The following SDSL variants were observed in gnomAD, a reference collection of about 807,000 sequenced individuals.
SDSL encodes the protein serine dehydratase like, also known as serine dehydratase-like.
Under a neutral mutation model 27.6 loss-of-function variants are expected in SDSL, and 26 were observed. The observed-to-expected ratio is 0.94, with a 90% CI of 0.69 to 1.31. SDSL has a LOEUF of 1.31. SDSL is among the 50% of genes most tolerant of loss of function. The pLI, the probability that SDSL is intolerant of heterozygous loss-of-function variation, is 0.00. For synonymous variants in SDSL, 196 were observed against 180.6 expected (o/e 1.09, Z -0.69); for missense variants, 431 against 423.5 (o/e 1.02, Z -0.16).
chr12:113,435,601 T>C, intron 6 of SDSL, 45 bp downstream of exon 6: 1 of 1,534,900 alleles, frequency 6.5e-7, no homozygotes, highest in Non-Finnish European at 8.9e-7. Flanking sequence ...AGGGTGGGTG[T>C]GCCACTGTCC....
At chr12:113,435,759 G>C (rs1957983818) in intron 6 of SDSL, among the ~76,000 whole-genome samples, 1 of 152,232 alleles carries the variant, frequency 6.6e-6, no homozygotes, top group Non-Finnish European at 1.5e-5. Flanking sequence ...AACCTAATCA[G>C]TTCTTAAAAC....
chr12:113,428,905 C>T (rs973141033), intron 3 of SDSL, among the ~76,000 whole-genome samples: 3 of 151,940 alleles, frequency 2.0e-5, no homozygotes, highest in African/African-American at 4.8e-5. Context: ...GATGCCTCGC[C>T]TCAATCCTGG....
At chr12:113,424,007 T>C (rs897464708) in intron 1 of SDSL, among the ~76,000 whole-genome samples, 8 of 152,290 alleles carry the variant, frequency 5.3e-5, no homozygotes, top group Admixed American at 2.6e-4. Context: ...TAATTTTTAA[T>C]TTTTTATTAT....
chr12:113,435,591 A>T (rs916407924), intron 6 of SDSL, 35 bp downstream of exon 6: 1 of 1,567,334 alleles, frequency 6.4e-7, no homozygotes, highest in Non-Finnish European at 8.7e-7. Flanking sequence ...TAGGGGCTGG[A>T]GGGTGGGTGT....
chr12:113,430,092 CTT>C (rs1391491554), intron 4 of SDSL, among the ~76,000 whole-genome samples: 1 of 151,878 alleles, frequency 6.6e-6, no homozygotes, highest in African/African-American at 2.4e-5. Context: ...ACACATCACC[CTT>C]TCTCTCTCCT....
chr12:113,428,636 A>G (rs71467912), intron 3 of SDSL, among the ~76,000 whole-genome samples, 177 bp downstream of exon 3: 15,028 of 152,076 alleles, frequency 0.099, 1,321 homozygotes, highest in African/African-American at 0.24. Context: ...AGGACTCATG[A>G]TGGTAGCAAG....
In SDSL at chr12:113,433,875, G is replaced by A. The variant is rs529408325; in HGVS notation, c.355-259G>A. Among the ~76,000 whole-genome samples, 20 of 152,302 alleles carry A rather than the reference G, an allele frequency of 1.3e-4. 1 individual carries two copies. Among genetic ancestry groups the A allele is most frequent in the African/African-American group, 4.8e-4 (20 of 41,572 alleles). ...GACCCGCTCCCAGCCTCCCTGGCTG[G>A]CCTGGCCTGGTTTTCATAGTGTGGC... is the stretch of plus-strand genomic sequence containing the variant. On this transcript the variant is annotated intron_variant, in intron 4 of 7. Transcript: ENST00000403593.
intron 4 of SDSL, among the ~76,000 whole-genome samples, chr12:113,429,759 C>CT (rs1373536615): frequency 6.6e-6 from 1 of 152,054 alleles, no homozygotes; most frequent in African/African-American, 2.4e-5. Context: ...GATACAAAAT[C>CT]TGTCTTTCCT....
intron 2 of SDSL, 40 bp downstream of exon 2, chr12:113,428,196 C>G: frequency 6.4e-7 from 1 of 1,559,284 alleles, no homozygotes. Context: ...TGAGGTTGTG[C>G]AGGAGGGAGG....
chr12:113,433,264 C>T (rs975008835), intron 4 of SDSL, among the ~76,000 whole-genome samples: 7 of 152,206 alleles, frequency 4.6e-5, no homozygotes, highest in Non-Finnish European at 8.8e-5. Context: ...TAGAACTGGG[C>T]ACAGAGTGGG....
chr12:113,432,648 T>C (rs1001050855), intron 4 of SDSL, among the ~76,000 whole-genome samples: 1 of 152,176 alleles, frequency 6.6e-6, no homozygotes, highest in Non-Finnish European at 1.5e-5. Flanking sequence ...CTGACAGGTA[T>C]TTTTCAACCT....
At position 113,435,069 on chromosome 12, in the gene SDSL, C is replaced by A. The variant is rs562853167; in HGVS notation, c.444-260C>A. Reference sequence around the variant, plus strand: ...AGTGGAGGTTGTAGTGAACTGAGATCGTGCCACTGCACTCCAGCCTGGGTG... The same window carrying A: ...AGTGGAGGTTGTAGTGAACTGAGATAGTGCCACTGCACTCCAGCCTGGGTG... On this transcript the variant is annotated intron_variant, in intron 5 of 7. Coordinates refer to ENST00000403593, the MANE Select transcript of SDSL (RefSeq NM_001304993.2). 4.3e-4 allele frequency among the ~76,000 whole-genome samples: 65 copies of A among 152,188 alleles called. 1 individual carries two copies. The South Asian group carries it at 0.013, about 30-fold the overall frequency.
At chr12:113,428,768 G>A (rs759725609) in intron 3 of SDSL, among the ~76,000 whole-genome samples, 22 of 152,044 alleles carry the variant, frequency 1.4e-4, no homozygotes, top group Non-Finnish European at 2.9e-4. Context: ...TCCTTCTCTG[G>A]ACTTTGCTTT....
Position 113,438,042 on chromosome 12 carries a change from A to G in SDSL, c.953A>G (p.Glu318Gly). 1.2e-6 allele frequency: 2 copies of G among 1,614,094 alleles called. No individual in the cohort carries two copies. Among genetic ancestry groups the G allele is most frequent in the Non-Finnish European group, 1.7e-6 (2 of 1,180,012 alleles). ...VCGGNNINSR[E>G]LQALKTHLGQ... ...GGAGGCAACAACATCAACAGCCGAG[A>G]GCTGCAGGCTTTGAAAACCCACCTG... The change falls in exon 8 of 8, where the codon GAG becomes GGG. Residue 318 changes from glutamate to glycine, a missense_variant. Transcript: ENST00000403593.
chr12:113,428,860 C>G (rs1188034110), intron 3 of SDSL, among the ~76,000 whole-genome samples: 1 of 152,026 alleles, frequency 6.6e-6, no homozygotes. Flanking sequence ...TCCTACCAGC[C>G]TCCCAACCCT....
At chr12:113,428,924 T>C (rs1957885500) in intron 3 of SDSL, among the ~76,000 whole-genome samples, 1 of 152,050 alleles carries the variant, frequency 6.6e-6, no homozygotes, top group Non-Finnish European at 1.5e-5. Context: ...GGAATTGTTT[T>C]TTTTTTTTGG....
intron 1 of SDSL, among the ~76,000 whole-genome samples, chr12:113,424,005 A>T (rs71467911): frequency 0.085 from 12,870 of 151,906 alleles, 963 homozygotes; most frequent in African/African-American, 0.2. Context: ...TCTAATTTTT[A>T]ATTTTTTATT....
At position 113,427,955 on chromosome 12, in the gene SDSL, C is replaced by T. The variant is rs1029652735; in HGVS notation, c.-21-7C>T. 1.9e-6 allele frequency: 3 copies of T among 1,593,978 alleles called. No individual in the cohort carries two copies. Among genetic ancestry groups the T allele is most frequent in the African/African-American group, 2.7e-5 (2 of 74,616 alleles). ...TGCCTGGGTGGTGACTTTGTGTCCT[C>T]CTGCAGGCTGTCTACCTGGTCTCCA... On this transcript the variant is annotated splice_region_variant and splice_polypyrimidine_tract_variant and intron_variant, in intron 1 of 7. Coordinates refer to ENST00000403593, the MANE Select transcript of SDSL (RefSeq NM_001304993.2).
intron 3 of SDSL, 38 bp downstream of exon 3, chr12:113,428,497 G>A: frequency 2.5e-6 from 4 of 1,595,146 alleles, no homozygotes; most frequent in South Asian, 1.1e-5. Context: ...GCAGAGGTTG[G>A]GGGAGGAGGA....
Sources: gnomAD v4.1 joint callset for allele counts (sites outside exome capture counted in the v4.1 genomes callset) on GRCh38, gnomAD v4.1.1 for gene constraint, MANE v1.5 for transcripts, NCBI Gene and HGNC (gene_info 2026-07-23, HGNC 2026-07-21) for gene names.